PCDH9: variants seen among roughly 807,000 people sequenced by gnomAD.
The protein encoded by PCDH9 is protocadherin 9.
In PCDH9, 24 loss-of-function variants were observed where a neutral mutation model predicts 70.6. The observed-to-expected ratio is 0.34, with a 90% CI of 0.25 to 0.48. The LOEUF is 0.48. Ranked by LOEUF, PCDH9 falls within the 20% of genes least tolerant of loss-of-function variation. The pLI is 0.99. For synonymous variants in PCDH9, 562 were observed against 558.5 expected, an observed-to-expected ratio of 1.01 and a Z score of -0.09; for missense variants, 1,281 against 1,503.6, an observed-to-expected ratio of 0.85 and a Z score of 2.45.
Position 66,866,997 on chromosome 13 carries a change from T to C in PCDH9, c.3138+36507A>G, listed in dbSNP as rs1594175571. 2.0e-5 allele frequency among the ~76,000 whole-genome samples: 3 copies of C among 150,618 alleles called. No homozygotes were observed. In the Admixed American group the frequency reaches 2.0e-4, roughly 10 times the overall value. ...ATGGTTTTCAAATTGTTTATGTTAATGACCAAATCAGTTTCTTTCTTTTTT... is the reference window on the plus strand; with the variant it reads ...ATGGTTTTCAAATTGTTTATGTTAACGACCAAATCAGTTTCTTTCTTTTTT... On this transcript the variant is annotated intron_variant, in intron 3 of 4. Transcript: ENST00000377865.
intron 3 of PCDH9, among the ~76,000 whole-genome samples, chr13:66,649,480 A>C (rs2077819546): frequency 6.6e-6 from 1 of 152,118 alleles, no homozygotes; most frequent in Non-Finnish European, 1.5e-5. Context: ...TTCAAACATG[A>C]AGGACAAATA....
At chr13:66,635,243 T>TGATAA (rs1291254302) in intron 3 of PCDH9, among the ~76,000 whole-genome samples, 1 of 152,154 alleles carries the variant, frequency 6.6e-6, no homozygotes, top group African/African-American at 2.4e-5. Flanking sequence ...TGGGAAATAT[T>TGATAA]TTTATTATTA....
At chr13:67,062,743 AT>A (rs2085563899) in intron 2 of PCDH9, among the ~76,000 whole-genome samples, 1 of 152,174 alleles carries the variant, frequency 6.6e-6, no homozygotes, top group Non-Finnish European at 1.5e-5. Flanking sequence ...TTGGGAATGA[AT>A]TTGTGTCCTA....
intron 3 of PCDH9, among the ~76,000 whole-genome samples, chr13:66,640,390 A>G (rs2077693259): frequency 6.6e-6 from 1 of 152,204 alleles, no homozygotes; most frequent in African/African-American, 2.4e-5. Flanking sequence ...CATACAAAGT[A>G]AGACTTTTAA....
At chr13:66,363,738 A>G (rs1481295568) in intron 4 of PCDH9, among the ~76,000 whole-genome samples, 1 of 152,228 alleles carries the variant, frequency 6.6e-6, no homozygotes, top group Non-Finnish European at 1.5e-5. Flanking sequence ...CTATATTTGT[A>G]CATGTGAACA....
At position 66,704,142 on chromosome 13, in the gene PCDH9, T is replaced by G. The variant is rs1310398225; in HGVS notation, c.3139-72731A>C. 1.3e-5 allele frequency among the ~76,000 whole-genome samples: 2 copies of G among 152,218 alleles called. 1 individual carries two copies. The highest frequency in any genetic ancestry group is 1.3e-4 in the Admixed American group (2 of 15,280). ...ATTTACTTTTGTGTACTCAGGCATG[T>G]AGCTCTCATATAGAAACTAACATTG... On this transcript the variant is annotated intron_variant, in intron 3 of 4. Transcript: ENST00000377865.
intron 2 of PCDH9, among the ~76,000 whole-genome samples, chr13:66,972,458 C>G (rs551203165): frequency 1.3e-5 from 2 of 151,952 alleles, no homozygotes; most frequent in South Asian, 4.2e-4. Context: ...TGCATTATAA[C>G]CTAGTATTAT....
At chr13:66,921,460 G>A (rs1258439413) in intron 2 of PCDH9, among the ~76,000 whole-genome samples, 2 of 151,142 alleles carry the variant, frequency 1.3e-5, no homozygotes, top group Non-Finnish European at 3.0e-5. Flanking sequence ...AAACTAGAGT[G>A]AAGGGTTGTA....
chr13:66,402,373 A>C (rs1460144944), intron 4 of PCDH9, among the ~76,000 whole-genome samples: 1 of 152,166 alleles, frequency 6.6e-6, no homozygotes, highest in East Asian at 1.9e-4. Context: ...TAATAAAAGC[A>C]ACACTGAACT....
chr13:66,817,029 TA>T (rs1424987838), intron 3 of PCDH9, among the ~76,000 whole-genome samples: 1 of 150,922 alleles, frequency 6.6e-6, no homozygotes, highest in Non-Finnish European at 1.5e-5. Flanking sequence ...AAAAATACAA[TA>T]AAAAATAAAA....
At chr13:66,595,165 TC>T (rs1402377972) in intron 4 of PCDH9, among the ~76,000 whole-genome samples, 1 of 151,668 alleles carries the variant, frequency 6.6e-6, no homozygotes, top group African/African-American at 2.4e-5. Flanking sequence ...TGGGAACATC[TC>T]TTTGAAATGT....
At chr13:67,014,713 G>C (rs2084524023) in intron 2 of PCDH9, among the ~76,000 whole-genome samples, 1 of 151,908 alleles carries the variant, frequency 6.6e-6, no homozygotes, top group African/African-American at 2.4e-5. Flanking sequence ...GGCCCAATTA[G>C]TTTTGAATTG....
At chr13:67,063,288 A>G (rs141955727) in intron 2 of PCDH9, among the ~76,000 whole-genome samples, 3 of 152,176 alleles carry the variant, frequency 2.0e-5, no homozygotes, top group African/African-American at 7.2e-5. Context: ...ATACCAGCCC[A>G]CAATTCATTG....
chr13:66,903,521 C>T lies in PCDH9; in HGVS notation c.3121G>A (p.Glu1041Lys), dbSNP rs867271469. 1.3e-6 allele frequency: 2 copies of T among 1,515,320 alleles called. No individual in the cohort carries two copies. The highest frequency in any genetic ancestry group is 2.3e-5 in the East Asian group (1 of 44,200). The allele number at this position is 1,515,320 out of a possible 1,614,324, so 93.9% of individuals were successfully genotyped here. Residue 1041 changes from glutamate to lysine, a missense_variant, in exon 3 of 5, where the codon GAA (glutamate) becomes AAA (lysine). This residue lies in a region of PCDH9 where 264 missense variants were observed against 278.8 expected (regional missense o/e 0.95). Transcript: ENST00000377865. ...SSTGFHIQENEESHYESQRRV... is the reference protein window; with the variant it reads ...SSTGFHIQENKESHYESQRRV... ...TGGCATACCTCGTAATGGCTTTCTT[C>T]ATTCTCCTGAATGTGGAAACCCGTG...
intron 2 of PCDH9, among the ~76,000 whole-genome samples, chr13:67,177,182 T>G: frequency 6.6e-6 from 1 of 152,148 alleles, no homozygotes; most frequent in East Asian, 1.9e-4. Context: ...GGATTTGGAT[T>G]CACTTTATTA....
At chr13:66,491,712 C>G (rs990496095) in intron 4 of PCDH9, among the ~76,000 whole-genome samples, 2 of 152,164 alleles carry the variant, frequency 1.3e-5, no homozygotes, top group Middle Eastern at 3.4e-3. Flanking sequence ...CTCAGTTAAG[C>G]TTAACATAGC....
At chr13:67,066,285 G>A (rs1002050889) in intron 2 of PCDH9, among the ~76,000 whole-genome samples, 5 of 151,986 alleles carry the variant, frequency 3.3e-5, no homozygotes, top group African/African-American at 1.2e-4. Context: ...CCAGGCTGGA[G>A]TGCAATGGCA....
At chr13:66,944,662 A>T (rs959781541) in intron 2 of PCDH9, among the ~76,000 whole-genome samples, 9 of 152,112 alleles carry the variant, frequency 5.9e-5, no homozygotes, top group African/African-American at 2.2e-4. Flanking sequence ...TTACTTCTTC[A>T]TGCTCTATAT....
chr13:66,642,519 T>C (rs1416442635), intron 3 of PCDH9, among the ~76,000 whole-genome samples: 1 of 152,052 alleles, frequency 6.6e-6, no homozygotes, highest in Non-Finnish European at 1.5e-5. Flanking sequence ...TAATGATTCA[T>C]ATGCTATGGC....
Sources: gnomAD v4.1 joint callset for allele counts (sites outside exome capture counted in the v4.1 genomes callset) on GRCh38, gnomAD v4.1.1 for gene constraint, gnomAD v4.1.1 regional missense constraint, MANE v1.5 for transcripts, NCBI Gene and HGNC (gene_info 2026-07-23, HGNC 2026-07-21) for gene names.